Variants in CACNG4 observed in about 807,000 individuals in gnomAD.
CACNG4 encodes the protein calcium voltage-gated channel auxiliary subunit gamma 4, also known as voltage-dependent calcium channel gamma-4 subunit.
In CACNG4, 8 loss-of-function variants were observed where a neutral mutation model predicts 22.9. The ratio of observed to expected loss-of-function variants is 0.35; its 90% CI spans 0.21 to 0.63. CACNG4 has a LOEUF of 0.63. Among genes scored for constraint, CACNG4 ranks in the 30% least tolerant of loss-of-function variants. The pLI is 0.72. For synonymous variants in CACNG4, 188 were observed against 191.9 expected, an observed-to-expected ratio of 0.98 and a Z score of 0.17; for missense variants, 357 against 455.4, an observed-to-expected ratio of 0.78 and a Z score of 1.97.
chr17:66,974,616 C>T (rs1017705900), intron 1 of CACNG4, among the ~76,000 whole-genome samples: 1 of 152,126 alleles, frequency 6.6e-6, no homozygotes, highest in South Asian at 2.1e-4. Flanking sequence ...GTTAGGGTAC[C>T]TCTGGGTGGA....
chr17:67,030,968 C>T lies in CACNG4; in HGVS notation c.948C>T (p.His316=), dbSNP rs137899115. 7.9e-5 allele frequency: 128 copies of T among 1,613,568 alleles called. No homozygotes were observed. Among genetic ancestry groups the T allele is most frequent in the Middle Eastern group, 4.9e-4 (3 of 6,082 alleles). The change falls in exon 4 of 4, where the codon CAC becomes CAT. Residue 316 remains histidine (H), a synonymous_variant. Transcript: ENST00000262138. This position sits in a 1 kb window ranked among gnomAD's most constrained non-coding sequence, Gnocchi z 6.4. ...FFQQDLKEGF[H]VSMLNRRTTP... is the part of the protein sequence containing the mutation. ...AGCAGGACCTGAAGGAAGGTTTCCA[C>T]GTCAGCATGCTGAACCGACGGACGA...
At chr17:66,987,020 G>A (rs1338112260) in intron 1 of CACNG4, among the ~76,000 whole-genome samples, 1 of 152,176 alleles carries the variant, frequency 6.6e-6, no homozygotes, top group Non-Finnish European at 1.5e-5. Context: ...CCATTTATAC[G>A]AAATATCCAG....
At chr17:66,965,187 TATAC>T (rs1567747455) in intron 1 of CACNG4, 56 bp downstream of exon 1, 1 of 755,428 alleles carries the variant, frequency 1.3e-6, no homozygotes, top group African/African-American at 2.8e-5. Context: ...CACACACACA[TATAC>T]ACACGCGCGC....
At position 67,030,433 on chromosome 17, in the gene CACNG4, G is replaced by C; in HGVS notation, c.446-33G>C. The C allele has an allele frequency of 6.2e-7, 1 of 1,601,472 alleles. No individual in the cohort carries two copies. Among genetic ancestry groups the C allele is most frequent in the Non-Finnish European group, 8.5e-7 (1 of 1,171,530 alleles). The stretch of plus-strand genomic sequence containing the variant: ...CTAACCTCTGCCTCTCTCCCTCCCT[G>C]GCCCCGCTCCCCGCTCCCCGCTTCC... On this transcript the variant is annotated intron_variant, in intron 3 of 3. Transcript: ENST00000262138. The surrounding 1 kb of genome is among the most constrained non-coding windows in gnomAD (Gnocchi z 6.4).
chr17:66,972,819 G>C (rs1244650111), intron 1 of CACNG4, among the ~76,000 whole-genome samples: 1 of 152,018 alleles, frequency 6.6e-6, no homozygotes, highest in African/African-American at 2.4e-5. Context: ...CCAGCTACTC[G>C]GGAGGCTGAG....
At chr17:66,981,950 T>C (rs900175520) in intron 1 of CACNG4, among the ~76,000 whole-genome samples, 3 of 152,166 alleles carry the variant, frequency 2.0e-5, no homozygotes, top group Non-Finnish European at 4.4e-5. Context: ...AAAAAATTTT[T>C]AGAGATACGG....
At chr17:67,029,620 C>T (rs1024981376) in intron 3 of CACNG4, among the ~76,000 whole-genome samples, 10 of 150,920 alleles carry the variant, frequency 6.6e-5, no homozygotes, top group Non-Finnish European at 8.8e-5. Flanking sequence ...GGCGACAGAG[C>T]GAGACTCTGG....
intron 1 of CACNG4, among the ~76,000 whole-genome samples, chr17:66,996,969 A>G (rs1470360579): frequency 1.3e-5 from 2 of 152,104 alleles, no homozygotes; most frequent in Non-Finnish European, 1.5e-5. Context: ...AAGCTAGAAG[A>G]TGGTTCGAAA....
intron 1 of CACNG4, among the ~76,000 whole-genome samples, chr17:66,999,382 T>G (rs1050292930): frequency 1.3e-5 from 2 of 152,164 alleles, no homozygotes; most frequent in African/African-American, 4.8e-5. Flanking sequence ...TCTGTATCCA[T>G]CTCAGAAGAC....
intron 2 of CACNG4, among the ~76,000 whole-genome samples, chr17:67,023,557 G>A (rs1249338716): frequency 6.9e-6 from 1 of 144,926 alleles, no homozygotes; most frequent in Non-Finnish European, 1.5e-5. Flanking sequence ...TTACAGGCGT[G>A]AGCCACCGCG....
At chr17:67,028,893 GA>G (rs1473602728) in intron 3 of CACNG4, among the ~76,000 whole-genome samples, 2 of 152,336 alleles carry the variant, frequency 1.3e-5, no homozygotes, top group East Asian at 3.9e-4. Context: ...CAAAGAACCA[GA>G]AGTCTGATAA....
intron 1 of CACNG4, among the ~76,000 whole-genome samples, chr17:66,992,784 G>A (rs1014041450): frequency 4.6e-5 from 7 of 152,336 alleles, no homozygotes; most frequent in African/African-American, 1.2e-4. Context: ...AAAGCATCAT[G>A]GGCCCTTCCT....
chr17:67,015,760 T>C (rs1474080542), intron 1 of CACNG4, among the ~76,000 whole-genome samples: 1 of 152,186 alleles, frequency 6.6e-6, no homozygotes, highest in African/African-American at 2.4e-5. Flanking sequence ...TTATTGCCAC[T>C]GGTCCCACCA....
chr17:66,989,060 C>CAAAAA (rs35041834), intron 1 of CACNG4, among the ~76,000 whole-genome samples: 1 of 63,312 alleles, frequency 1.6e-5, no homozygotes, highest in Admixed American at 1.9e-4. Context: ...GACTCTGCCT[C>CAAAAA]AAAAAAAAAA....
chr17:66,966,283 G>A (rs925856737), intron 1 of CACNG4, among the ~76,000 whole-genome samples: 1 of 152,220 alleles, frequency 6.6e-6, no homozygotes, highest in East Asian at 1.9e-4. Flanking sequence ...GCTTAAGCGT[G>A]GCGCTCAGAT....
chr17:66,992,215 A>G (rs1487932870), intron 1 of CACNG4, among the ~76,000 whole-genome samples: 1 of 150,078 alleles, frequency 6.7e-6, no homozygotes, highest in Non-Finnish European at 1.5e-5. Flanking sequence ...TAATTGCCCC[A>G]CCAAGTCAGC....
intron 1 of CACNG4, among the ~76,000 whole-genome samples, chr17:67,004,855 C>T (rs2035428239): frequency 6.6e-6 from 1 of 152,158 alleles, no homozygotes; most frequent in African/African-American, 2.4e-5. Flanking sequence ...TCCCACATAG[C>T]TGGGACTATA....
In CACNG4 at chr17:67,033,061, C is replaced by A. The variant is rs1287656288; in HGVS notation, c.*2057C>A. 6.5e-6 allele frequency: 1 copy of A among 152,822 alleles called. No homozygotes were observed. Among genetic ancestry groups the A allele is most frequent in the Non-Finnish European group, 1.5e-5 (1 of 68,150 alleles). The allele number at this position is 152,822 out of a possible 1,614,324, so 9.5% of individuals were successfully genotyped here. ...TCCCAGGCAGAGTAAGCAGGGCCCA[C>A]CTAGGGACCAAGAAAGAGTAGGAAG... On this transcript the variant is annotated 3_prime_UTR_variant, in exon 4 of 4. Transcript: ENST00000262138.
rs867745736 is a variant in CACNG4, at chr17:67,024,980, G to T, written c.425G>T (p.Gly142Val). The T allele has an allele frequency of 1.3e-6, 2 of 1,597,906 alleles. No homozygotes were observed. Among genetic ancestry groups the T allele is most frequent in the African/African-American group, 1.3e-5 (1 of 74,230 alleles). The change falls in exon 3 of 4, where the codon GGC (glycine) becomes GTC (valine). Residue 142 changes from glycine to valine, a missense_variant. Physicochemically the swap from Gly to Val is moderately radical, Grantham distance 109. Transcript: ENST00000262138. ...AAGAACAACATCGTCCTCAGTGCCG[G>T]CATCCTCTTCGTGGCTGCAGGTGAG... ...SRKNNIVLSA[G>V]ILFVAAGLSN...
Sources: allele counts gnomAD v4.1 joint callset (sites outside exome capture counted in the v4.1 genomes callset), GRCh38; gene constraint gnomAD v4.1.1; non-coding constraint Gnocchi (gnomAD v3.1); transcripts MANE v1.5; gene names NCBI Gene and HGNC (gene_info 2026-07-23, HGNC 2026-07-21).